NMNAT3: variants seen among roughly 807,000 people sequenced by gnomAD.
NMNAT3 encodes nicotinamide/nicotinic acid mononucleotide adenylyltransferase 3.
A neutral mutation model predicts 24.8 loss-of-function variants in NMNAT3; 21 were observed. The ratio of observed to expected loss-of-function variants is 0.85; its 90% CI spans 0.60 to 1.22. The LOEUF (loss-of-function observed/expected upper bound fraction) is 1.22, where lower values mean the gene tolerates loss of function less well. Among genes scored for constraint, NMNAT3 ranks in the 50% most tolerant of loss-of-function variants. The pLI is 0.00. For synonymous variants in NMNAT3, 136 were observed against 155.2 expected (o/e 0.88, Z 0.92); for missense variants, 387 against 436.6 (o/e 0.89, Z 1.01).
chr3:139,578,467 G>A (rs1218484144), intron 5 of NMNAT3, among the ~76,000 whole-genome samples: 3 of 152,092 alleles, frequency 2.0e-5, no homozygotes, highest in African/African-American at 2.4e-5. Flanking sequence ...ATGTAGTTCT[G>A]GGTCAGGAAA....
chr3:139,650,989 A>G (rs2057039004), intron 1 of NMNAT3, among the ~76,000 whole-genome samples: 1 of 152,368 alleles, frequency 6.6e-6, no homozygotes, highest in South Asian at 2.1e-4. Context: ...TCATTTATAA[A>G]ATAAAAAATA....
At chr3:139,618,318 T>C (rs1475932137) in intron 3 of NMNAT3, among the ~76,000 whole-genome samples, 1 of 152,228 alleles carries the variant, frequency 6.6e-6, no homozygotes, top group Non-Finnish European at 1.5e-5. Flanking sequence ...TTTTTCCTCA[T>C]AAAGAGGTGT....
intron 3 of NMNAT3, among the ~76,000 whole-genome samples, chr3:139,591,009 T>C (rs535224891): frequency 1.1e-3 from 169 of 151,872 alleles, no homozygotes; most frequent in African/African-American, 3.9e-3. Flanking sequence ...CAGCTCCCAG[T>C]GAGAGCGACA....
At chr3:139,569,035 G>T (rs1203570991) in intron 6 of NMNAT3, 1 of 152,190 alleles carries the variant, frequency 6.6e-6, no homozygotes. Flanking sequence ...CCTGTATTGG[G>T]TGCATATATA....
At chr3:139,614,256 C>G (rs368413405) in intron 3 of NMNAT3, among the ~76,000 whole-genome samples, 55 of 150,580 alleles carry the variant, frequency 3.7e-4, no homozygotes, top group African/African-American at 1.3e-3. Context: ...AAAAAAAAAA[C>G]TTTCAATGTG....
At chr3:139,676,335 C>T (rs886984518) in intron 1 of NMNAT3, among the ~76,000 whole-genome samples, 4 of 152,250 alleles carry the variant, frequency 2.6e-5, no homozygotes, top group Admixed American at 6.5e-5. Flanking sequence ...CTAAAATGCT[C>T]TCCCAAATCC....
chr3:139,578,005 T>C (rs1027185601), intron 5 of NMNAT3, among the ~76,000 whole-genome samples: 3 of 152,184 alleles, frequency 2.0e-5, no homozygotes, highest in Admixed American at 2.0e-4. Context: ...TCCCTTTGCC[T>C]CCCATTTCCT....
upstream of NMNAT3, chr3:139,678,029 G>A (rs534822408): frequency 7.5e-6 from 1 of 133,438 alleles, no homozygotes; most frequent in Non-Finnish European, 1.6e-5. Context: ...AGGAGACCCG[G>A]CCCTGGCCCC....
chr3:139,578,896 C>A lies in NMNAT3; in HGVS notation c.551G>T (p.Trp184Leu), dbSNP rs1939733917. The A allele has an allele frequency of 6.2e-7, 1 of 1,614,042 alleles. No homozygotes were observed. Among genetic ancestry groups the A allele is most frequent in the African/African-American group, 1.3e-5 (1 of 74,928 alleles). ...CCTCAGCACCTTCACTGTCTCCATC[C>A]ACTGTGCCTGCTCACTCTCCCAAGG... Residue 184 changes from tryptophan (W) to leucine (L), a missense_variant, in exon 5 of 7, where the codon TGG becomes TTG. Around this residue, in one of 3 missense-constraint regions of NMNAT3, gnomAD observed 323 missense variants for 345.2 expected, o/e 0.94. Transcript: ENST00000643695.
chr3:139,572,124 C>T, intron 6 of NMNAT3: 1 of 398,890 alleles, frequency 2.5e-6, no homozygotes, highest in Non-Finnish European at 4.4e-6. Flanking sequence ...CATACCCTGT[C>T]TCCAGCTTGA....
intron 1 of NMNAT3, among the ~76,000 whole-genome samples, chr3:139,674,552 G>A (rs944470933): frequency 6.6e-6 from 1 of 152,226 alleles, no homozygotes; most frequent in Non-Finnish European, 1.5e-5. Flanking sequence ...AAGATTTATC[G>A]AGATGATAAA....
chr3:139,562,794 A>T (rs1489029250), intron 6 of NMNAT3, among the ~76,000 whole-genome samples: 1 of 152,234 alleles, frequency 6.6e-6, no homozygotes, highest in East Asian at 1.9e-4. Flanking sequence ...CATCCATGAG[A>T]TGATGAGCTC....
At chr3:139,640,173 T>C (rs2056651105) in intron 1 of NMNAT3, among the ~76,000 whole-genome samples, 1 of 152,094 alleles carries the variant, frequency 6.6e-6, no homozygotes, top group African/African-American at 2.4e-5. Flanking sequence ...AATGGTACCA[T>C]GACCATCAGT....
intron 3 of NMNAT3, among the ~76,000 whole-genome samples, chr3:139,623,422 C>T (rs1424188826): frequency 6.6e-6 from 1 of 152,110 alleles, no homozygotes; most frequent in Non-Finnish European, 1.5e-5. Context: ...CTGCCTGAGG[C>T]TCTTTTACAG....
chr3:139,602,022 A>T (rs1471938577), intron 3 of NMNAT3, among the ~76,000 whole-genome samples: 5 of 152,216 alleles, frequency 3.3e-5, no homozygotes, highest in Non-Finnish European at 5.9e-5. Context: ...CCATTTCTTG[A>T]TACATTTTCA....
At chr3:139,607,581 A>G (rs908328331) in intron 3 of NMNAT3, among the ~76,000 whole-genome samples, 3 of 152,212 alleles carry the variant, frequency 2.0e-5, no homozygotes, top group African/African-American at 4.8e-5. Context: ...ATTCATTTGT[A>G]ATAGAGCCAG....
At chr3:139,639,057 A>C (rs191666680) in intron 1 of NMNAT3, among the ~76,000 whole-genome samples, 2 of 152,196 alleles carry the variant, frequency 1.3e-5, no homozygotes, top group East Asian at 3.9e-4. Flanking sequence ...ATTCCTTCCA[A>C]GCTAAGTTGG....
chr3:139,665,268 C>A (rs993112808), intron 1 of NMNAT3, among the ~76,000 whole-genome samples: 3 of 152,176 alleles, frequency 2.0e-5, no homozygotes, highest in African/African-American at 7.2e-5. Context: ...TTAAGTGGTA[C>A]CTGCCACTAA....
chr3:139,667,746 T>A (rs60340211), intron 1 of NMNAT3, among the ~76,000 whole-genome samples: 2,075 of 152,324 alleles, frequency 0.014, 67 homozygotes, highest in African/African-American at 0.048. Context: ...TGTGCTCTTG[T>A]CTTACACTTG....
Sources: gnomAD v4.1 joint callset for allele counts (sites outside exome capture counted in the v4.1 genomes callset) on GRCh38, gnomAD v4.1.1 for gene constraint, gnomAD v4.1.1 regional missense constraint, MANE v1.5 for transcripts, NCBI Gene and HGNC (gene_info 2026-07-23, HGNC 2026-07-21) for gene names.